Variants in GRIN2B observed in about 807,000 individuals in gnomAD.
GRIN2B encodes glutamate ionotropic receptor NMDA type subunit 2B, also known as glutamate receptor ionotropic, NMDA 2B.
Under a neutral mutation model 114.5 loss-of-function variants are expected in GRIN2B, and 5 were observed. The observed-to-expected ratio is 0.04, with a 90% CI of 0.02 to 0.09. GRIN2B has a LOEUF of 0.09. Ranked by LOEUF, GRIN2B falls within the 10% of genes least tolerant of loss-of-function variation. The probability of loss-of-function intolerance (pLI) is 1.00; values close to 1 mark genes in which losing one functional copy is unlikely to be tolerated. For synonymous variants in GRIN2B, 787 were observed against 745.1 expected (o/e 1.06, Z -0.92); for missense variants, 1,108 against 1,943.5 (o/e 0.57, Z 8.08).
intron 2 of GRIN2B, among the ~76,000 whole-genome samples, chr12:13,873,225 A>T (rs1865940193): frequency 6.6e-6 from 1 of 152,214 alleles, no homozygotes; most frequent in East Asian, 1.9e-4. Flanking sequence ...AAGCAGGGCA[A>T]ATGTTGAACC....
At chr12:13,565,459 C>A (rs1200254549) in intron 13 of GRIN2B, among the ~76,000 whole-genome samples, 2 of 152,126 alleles carry the variant, frequency 1.3e-5, no homozygotes, top group Admixed American at 6.5e-5. Flanking sequence ...AACATCTTAA[C>A]AAATTAGTAT....
chr12:13,608,526 G>A, intron 10 of GRIN2B, 77 bp downstream of exon 10: 2 of 1,039,008 alleles, frequency 1.9e-6, no homozygotes, highest in East Asian at 2.5e-5. Context: ...TAGAAGACAA[G>A]CAGGTACATG....
chr12:13,957,629 A>G (rs1565600389), intron 2 of GRIN2B, among the ~76,000 whole-genome samples: 1 of 152,174 alleles, frequency 6.6e-6, no homozygotes, highest in South Asian at 2.1e-4. Context: ...CTGAGCTCCT[A>G]TAAGGCTACT....
intron 10 of GRIN2B, among the ~76,000 whole-genome samples, chr12:13,582,282 G>T (rs1029240621): frequency 1.3e-5 from 2 of 152,182 alleles, no homozygotes; most frequent in African/African-American, 4.8e-5. Flanking sequence ...AGTGTTCATT[G>T]GAGAGAATAT....
chr12:13,645,275 GAA>G (rs904051247), intron 5 of GRIN2B, among the ~76,000 whole-genome samples: 6 of 152,180 alleles, frequency 3.9e-5, no homozygotes, highest in Non-Finnish European at 7.4e-5. Flanking sequence ...CCAAGGAGAG[GAA>G]GAGAGATGGG....
intron 10 of GRIN2B, among the ~76,000 whole-genome samples, chr12:13,598,329 A>G (rs1347521028): frequency 2.0e-5 from 3 of 152,018 alleles, no homozygotes; most frequent in African/African-American, 7.2e-5. Flanking sequence ...AGCCTTGAAA[A>G]ACACCTCCCT....
At chr12:13,773,166 C>T (rs1863938485) in intron 3 of GRIN2B, among the ~76,000 whole-genome samples, 1 of 152,252 alleles carries the variant, frequency 6.6e-6, no homozygotes, top group Middle Eastern at 3.4e-3. Flanking sequence ...AGTTCCTACC[C>T]ATCCAGCAAT....
intron 13 of GRIN2B, among the ~76,000 whole-genome samples, chr12:13,565,493 G>T (rs147812380): frequency 9.7e-4 from 147 of 152,254 alleles, no homozygotes; most frequent in African/African-American, 3.4e-3. Flanking sequence ...CCTGTGTACA[G>T]CTCTTTGTAC....
chr12:13,616,791 G>C lies in GRIN2B; in HGVS notation c.1126-134C>G, dbSNP rs1805536. 0.089 allele frequency: 65,163 copies of C among 735,908 alleles called. 3,523 individuals are homozygous for C. The highest frequency in any genetic ancestry group is 0.16 in the Middle Eastern group (642 of 3,940). The allele number at this position is 735,908 out of a possible 1,614,324, so 45.6% of individuals were successfully genotyped here. A position where few individuals can be genotyped will look rare whatever the true frequency, so the allele number is the denominator to read the frequency against. The stretch of plus-strand genomic sequence containing the variant: ...AAGTGCCAACATTGTACATACTAGA[G>C]ATAGGAATACTTTTTAAATCATGTG... On this transcript the variant is annotated intron_variant, in intron 5 of 13. Coordinates refer to ENST00000609686, the MANE Select transcript of GRIN2B (RefSeq NM_000834.5).
chr12:13,804,937 C>A (rs546032137), intron 3 of GRIN2B, among the ~76,000 whole-genome samples: 1 of 152,152 alleles, frequency 6.6e-6, no homozygotes, highest in South Asian at 2.1e-4. Context: ...CTGTGCTAAC[C>A]CAGGGTTCAT....
chr12:13,891,566 T>C (rs1188306676), intron 2 of GRIN2B, among the ~76,000 whole-genome samples: 1 of 152,052 alleles, frequency 6.6e-6, no homozygotes, highest in African/African-American at 2.4e-5. Flanking sequence ...GCTTAATAAG[T>C]CTAAATTTAA....
At chr12:13,935,428 C>A (rs746356707) in intron 2 of GRIN2B, among the ~76,000 whole-genome samples, 7 of 152,160 alleles carry the variant, frequency 4.6e-5, no homozygotes, top group Non-Finnish European at 8.8e-5. Context: ...AGCATTTTCT[C>A]CATAGTAACA....
intron 2 of GRIN2B, among the ~76,000 whole-genome samples, chr12:13,894,242 A>C (rs1308104672): frequency 1.3e-5 from 2 of 152,196 alleles, no homozygotes; most frequent in East Asian, 3.8e-4. Context: ...TCCTAAAGAA[A>C]TAATGTAAAA....
intron 10 of GRIN2B, among the ~76,000 whole-genome samples, chr12:13,584,938 C>T (rs985611234): frequency 6.6e-6 from 1 of 152,174 alleles, no homozygotes; most frequent in African/African-American, 2.4e-5. Context: ...ACCTCACAGA[C>T]CAACTTGGGA....
intron 10 of GRIN2B, among the ~76,000 whole-genome samples, chr12:13,576,582 T>C (rs1262331802): frequency 1.3e-5 from 2 of 151,892 alleles, no homozygotes; most frequent in African/African-American, 4.8e-5. Context: ...AGTCTCACTC[T>C]GTCACCCAGG....
intron 3 of GRIN2B, among the ~76,000 whole-genome samples, chr12:13,823,674 C>T (rs1864979085): frequency 6.6e-6 from 1 of 152,076 alleles, no homozygotes; most frequent in African/African-American, 2.4e-5. Context: ...CCATATGCTA[C>T]AACCCTTTGT....
At chr12:13,783,443 T>TTTTGTTTTGTTTTGTTTTGC (rs1371825651) in intron 3 of GRIN2B, among the ~76,000 whole-genome samples, 1 of 152,122 alleles carries the variant, frequency 6.6e-6, no homozygotes, top group East Asian at 1.9e-4. Flanking sequence ...TTTTGTTTTG[T>TTTTGTTTTGTTTTGTTTTGC]TTTGTTTTGT....
intron 2 of GRIN2B, among the ~76,000 whole-genome samples, chr12:13,964,555 A>G (rs916544485): frequency 1.1e-4 from 16 of 152,224 alleles, no homozygotes; most frequent in African/African-American, 3.1e-4. Context: ...CCCTGGACAC[A>G]TAGTCCAGAG....
intron 10 of GRIN2B, among the ~76,000 whole-genome samples, chr12:13,602,093 G>C (rs1050831260): frequency 2.0e-5 from 3 of 152,140 alleles, no homozygotes; most frequent in Non-Finnish European, 4.4e-5. Flanking sequence ...TCCATGGAAA[G>C]GGCCAGACTG....
Sources: allele counts gnomAD v4.1 joint callset (sites outside exome capture counted in the v4.1 genomes callset), GRCh38; gene constraint gnomAD v4.1.1; transcripts MANE v1.5; gene names NCBI Gene and HGNC (gene_info 2026-07-23, HGNC 2026-07-21).